ZNF74: variants seen among roughly 807,000 people sequenced by gnomAD.
ZNF74 encodes the protein zinc finger protein 74, also known as zinc finger protein 520.
A neutral mutation model predicts 17.7 loss-of-function variants in ZNF74; 12 were observed. That is an observed-to-expected ratio of 0.68 (90% CI 0.43 to 1.10). The LOEUF is 1.10. Ranked by LOEUF, ZNF74 falls within the 50% of genes least tolerant of loss-of-function variation. The probability of loss-of-function intolerance (pLI) is 0.00; values close to 1 mark genes in which losing one functional copy is unlikely to be tolerated. For synonymous variants in ZNF74, 358 were observed against 362.1 expected (o/e 0.99, Z 0.13); for missense variants, 811 against 881.0 (o/e 0.92, Z 1.01).
chr22:20,401,159 C>A lies in ZNF74; in HGVS notation c.248-118C>A. On this transcript the variant is annotated intron_variant, in intron 3 of 4. Transcript: ENST00000400451. This position sits in a 1 kb window ranked among gnomAD's most constrained non-coding sequence, Gnocchi z 4.2. ...TCACTGCTTTTGGCCCAGAGGACCT[C>A]CTGTTCCCAGAGAGGGTGTCCACTT... is the stretch of plus-strand genomic sequence containing the variant. The A allele has an allele frequency of 1.5e-6, 1 of 682,084 alleles. No homozygotes were observed. The highest frequency in any genetic ancestry group is 2.6e-6 in the Non-Finnish European group (1 of 389,470). The allele number at this position is 682,084 out of a possible 1,614,324, so 42.3% of individuals were successfully genotyped here.
chr22:20,406,011 C>T lies in ZNF74; in HGVS notation c.978C>T (p.His326=), dbSNP rs528508338. The T allele has an allele frequency of 2.5e-6, 4 of 1,613,762 alleles. No homozygotes were observed. The African/African-American group carries it at 5.3e-5, about 22-fold the overall frequency. The change falls in exon 5 of 5, where the codon CAC becomes CAT. Residue 326 remains histidine (H), a synonymous_variant. Coordinates refer to ENST00000400451, the MANE Select transcript of ZNF74 (RefSeq NM_003426.4). The part of the protein sequence containing the change: ...HSSLNVHQRI[H]TGERPYKCSA... The stretch of plus-strand genomic sequence containing the variant: ...CCCTCAACGTGCACCAGCGCATCCA[C>T]ACGGGCGAGCGGCCCTACAAGTGCA...
chr22:20,399,325 G>A (rs361640), intron 2 of ZNF74, among the ~76,000 whole-genome samples: 94,161 of 151,476 alleles, frequency 0.62, 30,903 homozygotes, highest in East Asian at 0.88. Context: ...TATTCTCTTT[G>A]TCTCTGATAG....
rs2052440496 is a variant in ZNF74, at chr22:20,407,021, G to A, written c.*53G>A. ...CTTTCTGAGCTACTCAACAAGGAAAGCACCCTGGTCCTCCCTGGCTCCTAG... is the reference window on the plus strand; with the variant it reads ...CTTTCTGAGCTACTCAACAAGGAAAACACCCTGGTCCTCCCTGGCTCCTAG... On this transcript the variant is annotated 3_prime_UTR_variant, in exon 5 of 5. Transcript: ENST00000400451. 5 of 1,537,672 alleles carry A rather than the reference G, an allele frequency of 3.3e-6. No individual in the cohort carries two copies. The African/African-American group carries it at 6.8e-5, about 21-fold the overall frequency.
At position 20,405,832 on chromosome 22, in the gene ZNF74, C is replaced by T. The variant is rs1256877247; in HGVS notation, c.799C>T (p.Arg267Trp). ...CCAGAGCTCCTCCCTCACGCTGCAC[C>T]GGCGCTGGCACAGCCGGGAGAAGGC... Reference protein sequence around the residue: ...FRQSSSLTLHRRWHSREKAYK... With the variant: ...FRQSSSLTLHWRWHSREKAYK... The change falls in exon 5 of 5, where the codon CGG becomes TGG. Residue 267 changes from arginine to tryptophan, a missense_variant. This residue lies in a region of ZNF74 where 666 missense variants were observed against 702.3 expected (regional missense o/e 0.95). Coordinates refer to ENST00000400451, the MANE Select transcript of ZNF74 (RefSeq NM_003426.4). The T allele has an allele frequency of 3.1e-6, 5 of 1,613,430 alleles. No homozygotes were observed. Among genetic ancestry groups the T allele is most frequent in the East Asian group, 2.2e-5 (1 of 44,874 alleles).
rs191328713 is a variant in ZNF74, at chr22:20,396,829, C to A, written c.120+1411C>A. 4.7e-4 allele frequency among the ~76,000 whole-genome samples: 72 copies of A among 152,332 alleles called. 3 individuals are homozygous for A. Among genetic ancestry groups the A allele is most frequent in the East Asian group, 4.2e-3 (22 of 5,186 alleles). On this transcript the variant is annotated intron_variant, in intron 2 of 4. Transcript: ENST00000400451. The stretch of plus-strand genomic sequence containing the variant: ...GACTTCTCTGCTAGTGTCATTACCA[C>A]ATCAGCATCTGATTCCAATGCATAC...
rs533237249 is a variant in ZNF74 at position 20,405,314 on chromosome 22, C to G, written c.344-63C>G. 12 of 1,514,572 alleles carry G rather than the reference C, an allele frequency of 7.9e-6. No individual in the cohort carries two copies. In the African/African-American group the frequency reaches 1.7e-4, roughly 21 times the overall value. 93.8% of individuals were successfully genotyped at this position (1,514,572 alleles called of 1,614,324 possible). A position where few individuals can be genotyped will look rare whatever the true frequency, so the allele number is the denominator to read the frequency against. The stretch of plus-strand genomic sequence containing the variant: ...TTATCTGCATCTCCAGGCCAATTCT[C>G]AAATCTGAATTCTAGGCCAGGTTTC... On this transcript the variant is annotated intron_variant, in intron 4 of 4. Transcript: ENST00000400451.
chr22:20,405,348 C>T (rs2052401483), intron 4 of ZNF74, 29 bp from the exon 5 acceptor site: 2 of 1,570,106 alleles, frequency 1.3e-6, no homozygotes, highest in Non-Finnish European at 1.7e-6. Context: ...TCCGCTTGCT[C>T]ACAGAAAATC....
intron 2 of ZNF74, among the ~76,000 whole-genome samples, chr22:20,398,119 G>GA (rs1328307321): frequency 6.6e-6 from 1 of 152,128 alleles, no homozygotes; most frequent in Non-Finnish European, 1.5e-5. Context: ...AGGAGTTCAA[G>GA]ACCAGCCGGC....
At chr22:20,399,514 G>T in intron 2 of ZNF74, 3 of 303,012 alleles carry the variant, frequency 9.9e-6, no homozygotes, top group South Asian at 2.5e-5. Context: ...CTTTTAATTG[G>T]AGTGTTTAAA....
chr22:20,394,390 T>TG lies in ZNF74; in HGVS notation c.-235dup. 1 of 669,482 alleles carries TG rather than the reference T, an allele frequency of 1.5e-6. No individual in the cohort carries two copies. Among genetic ancestry groups the TG allele is most frequent in the Non-Finnish European group, 2.7e-6 (1 of 366,102 alleles). 41.5% of individuals were successfully genotyped at this position (669,482 alleles called of 1,614,324 possible). A position where few individuals can be genotyped will look rare whatever the true frequency, so the allele number is the denominator to read the frequency against. ...TGCCGGGGCGTGAGTGCGCCGAGCA[T>TG]GGGGCTGAGCCTGGTGTGGGGAGTG... On this transcript the variant is annotated 5_prime_UTR_variant, in exon 1 of 5. The change abolishes the stop of an existing upstream ORF in the 5' untranslated region. Coordinates refer to ENST00000400451, the MANE Select transcript of ZNF74 (RefSeq NM_003426.4).
intron 2 of ZNF74, among the ~76,000 whole-genome samples, chr22:20,399,229 T>C (rs2052330141): frequency 1.3e-5 from 2 of 152,226 alleles, no homozygotes; most frequent in Admixed American, 1.3e-4. Flanking sequence ...TTTTGCATTA[T>C]GTATTTTGAA....
chr22:20,400,549 G>A (rs1215626769), intron 2 of ZNF74, 83 bp from the exon 3 acceptor site: 1 of 1,559,050 alleles, frequency 6.4e-7, no homozygotes, highest in African/African-American at 1.4e-5. Context: ...CCCTTTACTT[G>A]TAGGGTCCTT....
rs2052277729 is a variant in ZNF74, at chr22:20,395,091, C to T, written c.35-242C>T. ...TTCCCCGCGCCCAATCATTTGTTCC[C>T]ACTCAGACGTGCTTGATTGGGGGTA... On this transcript the variant is annotated intron_variant, in intron 1 of 4. Transcript: ENST00000400451. 17 of 476,844 alleles carry T rather than the reference C, an allele frequency of 3.6e-5. No homozygotes were observed. In the South Asian group the frequency reaches 5.1e-4, roughly 14 times the overall value. 29.5% of individuals were successfully genotyped at this position (476,844 alleles called of 1,614,324 possible).
At chr22:20,405,352 G>T in intron 4 of ZNF74, 25 bp from the exon 5 acceptor site, 1 of 1,574,696 alleles carries the variant, frequency 6.4e-7, no homozygotes, top group South Asian at 1.2e-5. Flanking sequence ...CTTGCTCACA[G>T]AAAATCATTT....
chr22:20,400,645 T>A lies in ZNF74; in HGVS notation c.134T>A (p.Phe45Tyr). Residue 45 changes from phenylalanine to tyrosine, a missense_variant, in exon 3 of 5, where the codon TTC becomes TAC. This residue lies in a region of ZNF74 where 666 missense variants were observed against 702.3 expected (regional missense o/e 0.95). Coordinates refer to ENST00000400451, the MANE Select transcript of ZNF74 (RefSeq NM_003426.4). ...ATGTCATTTCAGGAATCGGTGAGTT[T>A]CAAGGATGTGGCTGTGGACTTCACC... is the stretch of plus-strand genomic sequence containing the variant. ...PEARSKESVS[F>Y]KDVAVDFTQE... 6.2e-7 allele frequency: 1 copy of A among 1,614,156 alleles called. No homozygotes were observed. The highest frequency in any genetic ancestry group is 1.6e-4 in the Middle Eastern group (1 of 6,062).
At chr22:20,394,725 G>A in intron 1 of ZNF74, 63 bp downstream of exon 1, 1 of 1,516,012 alleles carries the variant, frequency 6.6e-7, no homozygotes, top group Non-Finnish European at 9.2e-7. Context: ...TTGACACTCA[G>A]AGAGATCAGG....
Position 20,401,304 on chromosome 22 carries a change from T to C in ZNF74, c.275T>C (p.Ile92Thr). Residue 92 changes from isoleucine to threonine, a missense_variant, in exon 4 of 5, where the codon ATC becomes ACC. Physicochemically the swap from Ile to Thr is moderately conservative, Grantham distance 89. Around this residue, in one of 3 missense-constraint regions of ZNF74, gnomAD observed 666 missense variants for 702.3 expected, o/e 0.95. Transcript: ENST00000400451. The surrounding 1 kb of genome is among the most constrained non-coding windows in gnomAD (Gnocchi z 4.2). ...LGPPLHKPDV[I>T]SHLERGEEPW... is the part of the protein sequence containing the mutation. Reference sequence around the variant, plus strand: ...CCTCCACTGCACAAGCCAGATGTGATCTCTCATCTGGAACGAGGCGAGGAG... The same window carrying C: ...CCTCCACTGCACAAGCCAGATGTGACCTCTCATCTGGAACGAGGCGAGGAG... 6.2e-7 allele frequency: 1 copy of C among 1,611,570 alleles called. No individual in the cohort carries two copies. Among genetic ancestry groups the C allele is most frequent in the Non-Finnish European group, 8.5e-7 (1 of 1,178,772 alleles).
At position 20,406,582 on chromosome 22, in the gene ZNF74, G is replaced by C. The variant is rs1042859; in HGVS notation, c.1549G>C (p.Val517Leu). The change falls in exon 5 of 5, where the codon GTG becomes CTG. Residue 517 changes from valine (V) to leucine (L), a missense_variant. By Grantham distance (32) the Val-to-Leu change is conservative. Coordinates refer to ENST00000400451, the MANE Select transcript of ZNF74 (RefSeq NM_003426.4). ...CTTCAGCTGCCACTCGTCCCTCATC[G>C]TGCACCAGCGCATCCACACCGGTGA... ...KAFSCHSSLI[V>L]HQRIHTGEKP... 1.9e-6 allele frequency: 3 copies of C among 1,613,780 alleles called. No individual in the cohort carries two copies. The highest frequency in any genetic ancestry group is 2.5e-6 in the Non-Finnish European group (3 of 1,179,960).
chr22:20,395,302 C>T (rs370420801), intron 1 of ZNF74, 31 bp from the exon 2 acceptor site: 2 of 1,539,392 alleles, frequency 1.3e-6, no homozygotes, highest in Non-Finnish European at 1.8e-6. Context: ...AGCCTGGTAG[C>T]CGTGACCTTG....
Sources: gnomAD v4.1 joint callset for allele counts (sites outside exome capture counted in the v4.1 genomes callset) on GRCh38, gnomAD v4.1.1 for gene constraint, gnomAD v4.1.1 regional missense constraint, Gnocchi (gnomAD v3.1) non-coding constraint, MANE v1.5 for transcripts, NCBI Gene and HGNC (gene_info 2026-07-23, HGNC 2026-07-21) for gene names.